Variants in GLO1 observed in about 807,000 individuals in gnomAD.
GLO1 encodes glyoxalase I.
In GLO1, 28 loss-of-function variants were observed where a neutral mutation model predicts 26.0. The observed-to-expected ratio is 1.08, with a 90% CI of 0.80 to 1.48. GLO1 has a LOEUF of 1.48. Among genes scored for constraint, GLO1 ranks in the 40% most tolerant of loss-of-function variants. The pLI is 0.00. For synonymous variants in GLO1, 78 were observed against 77.6 expected, an observed-to-expected ratio of 1.00 and a Z score of -0.03; for missense variants, 225 against 224.8, an observed-to-expected ratio of 1.00 and a Z score of -0.01.
intron 3 of GLO1, among the ~76,000 whole-genome samples, chr6:38,683,802 G>C (rs1285704005): frequency 6.6e-6 from 1 of 152,050 alleles, no homozygotes; most frequent in African/African-American, 2.4e-5. Flanking sequence ...CAGGAGAATG[G>C]AGTGAATCCG....
intron 1 of GLO1, among the ~76,000 whole-genome samples, chr6:38,692,779 A>G (rs1256941925): frequency 1.3e-5 from 2 of 151,360 alleles, no homozygotes; most frequent in Non-Finnish European, 2.9e-5. Context: ...TTCTGTACCA[A>G]CTGATATGAT....
chr6:38,682,975 T>G, intron 3 of GLO1, 100 bp from the exon 4 acceptor site: 2 of 759,146 alleles, frequency 2.6e-6, no homozygotes, highest in Non-Finnish European at 4.7e-6. Context: ...TATGCTACTT[T>G]ACATAATTGG....
chr6:38,701,962 A>C, intron 1 of GLO1, among the ~76,000 whole-genome samples: 1 of 138,778 alleles, frequency 7.2e-6, no homozygotes, highest in Non-Finnish European at 1.5e-5. Context: ...ACAGAGTCTC[A>C]CTCTGTCGCC....
chr6:38,700,035 T>G (rs1761674785), intron 1 of GLO1, among the ~76,000 whole-genome samples: 1 of 152,142 alleles, frequency 6.6e-6, no homozygotes, highest in African/African-American at 2.4e-5. Flanking sequence ...TTTGAAACCC[T>G]TAATAAAAAC....
rs147664840 is a variant in GLO1 at position 38,688,668 on chromosome 6, A to G, written c.85-1694T>C. The stretch of plus-strand genomic sequence containing the variant: ...ACACAGACTTTAGCTGGCAGGCCTC[A>G]TGGGGGAGATCTGTCCTCCCAGCAC... On this transcript the variant is annotated intron_variant, in intron 1 of 5. Transcript: ENST00000373365. 1.5e-4 allele frequency among the ~76,000 whole-genome samples: 23 copies of G among 152,326 alleles called. 1 individual carries two copies. Among genetic ancestry groups the G allele is most frequent in the African/African-American group, 5.5e-4 (23 of 41,568 alleles).
At chr6:38,685,280 G>A (rs762228982) in intron 2 of GLO1, among the ~76,000 whole-genome samples, 18 of 152,248 alleles carry the variant, frequency 1.2e-4, no homozygotes, top group Admixed American at 8.5e-4. Flanking sequence ...GAAGACTTAC[G>A]CTTCTCTGAG....
chr6:38,683,007 A>G, intron 3 of GLO1, 132 bp from the exon 4 acceptor site: 1 of 608,014 alleles, frequency 1.6e-6, no homozygotes. Flanking sequence ...CTACAAAAAT[A>G]TTAAGTTTTC....
intron 1 of GLO1, among the ~76,000 whole-genome samples, chr6:38,696,514 C>T (rs897592589): frequency 9.2e-5 from 14 of 152,312 alleles, no homozygotes; most frequent in African/African-American, 2.4e-4. Context: ...TAGATGGTAC[C>T]TTTGCACTGT....
intron 1 of GLO1, among the ~76,000 whole-genome samples, chr6:38,700,782 G>T (rs996926535): frequency 9.2e-6 from 1 of 108,378 alleles, no homozygotes; most frequent in Non-Finnish European, 1.9e-5. Flanking sequence ...ATTCATTGAG[G>T]GTTTTTTTTT....
At position 38,693,685 on chromosome 6, in the gene GLO1, C is replaced by CTCTATA. The variant is rs869232489; in HGVS notation, c.85-6712_85-6711insTATAGA. Among the ~76,000 whole-genome samples, 436 of 86,374 alleles carry CTCTATA rather than the reference C, an allele frequency of 5.0e-3. 4 individuals carry two copies. The highest frequency in any genetic ancestry group is 0.013 in the African/African-American group (297 of 22,592). 56.7% of individuals were successfully genotyped at this position (86,374 alleles called of 152,430 possible). A position where few individuals can be genotyped will look rare whatever the true frequency, so the allele number is the denominator to read the frequency against. On this transcript the variant is annotated intron_variant, in intron 1 of 5. Transcript: ENST00000373365. ...TCTCTCTCTCTCTCTCTCTCTCTCT[C>CTCTATA]TATATATATATATATATATATTTGT...
At chr6:38,678,569 C>A (rs150498533) in intron 5 of GLO1, among the ~76,000 whole-genome samples, 20 of 152,222 alleles carry the variant, frequency 1.3e-4, no homozygotes, top group African/African-American at 4.6e-4. Flanking sequence ...ATAATGGCTG[C>A]GAGAGAACAG....
chr6:38,682,076 A>G lies in GLO1; in HGVS notation c.402T>C (p.Asp134=). Residue 134 remains aspartate, a synonymous_variant, in exon 5 of 6, where the codon GAT becomes GAC. Transcript: ENST00000373365. ...GFGHIGIAVP[D]VYSACKRFEE... The stretch of plus-strand genomic sequence containing the variant: ...CAAACCTTTTACAAGCACTGTATAC[A>G]TCAGGAACAGCAATTCCAATATGAC... The G allele has an allele frequency of 6.3e-7, 1 of 1,592,172 alleles. No homozygotes were observed. The highest frequency in any genetic ancestry group is 8.6e-7 in the Non-Finnish European group (1 of 1,159,944).
At chr6:38,685,910 T>A (rs1431192711) in intron 2 of GLO1, among the ~76,000 whole-genome samples, 1 of 152,228 alleles carries the variant, frequency 6.6e-6, no homozygotes, top group Non-Finnish European at 1.5e-5. Context: ...ACTGTGGGAT[T>A]TGGAGCTAGT....
intron 1 of GLO1, among the ~76,000 whole-genome samples, chr6:38,688,925 A>AGAGC (rs1761494413): frequency 2.0e-5 from 3 of 152,354 alleles, no homozygotes; most frequent in Admixed American, 6.5e-5. Context: ...GGAGAGAGAG[A>AGAGC]GAGCGAGCGT....
At chr6:38,684,698 T>G (rs1761437429) in intron 2 of GLO1, among the ~76,000 whole-genome samples, 184 bp from the exon 3 acceptor site, 1 of 152,196 alleles carries the variant, frequency 6.6e-6, no homozygotes, top group Non-Finnish European at 1.5e-5. Context: ...CATCTGTAAA[T>G]ATTTGAAATA....
At chr6:38,690,149 A>G (rs115721932) in intron 1 of GLO1, among the ~76,000 whole-genome samples, 287 of 152,322 alleles carry the variant, frequency 1.9e-3, no homozygotes, top group African/African-American at 6.5e-3. Flanking sequence ...TCTGACAAAG[A>G]TTTATGTACA....
chr6:38,677,257 C>A lies in GLO1; in HGVS notation c.*38G>T, dbSNP rs754339809. 8.7e-6 allele frequency: 8 copies of A among 915,762 alleles called. No homozygotes were observed. The highest frequency in any genetic ancestry group is 1.5e-5 in the Non-Finnish European group (8 of 543,216). The allele number at this position is 915,762 out of a possible 1,614,324, so 56.7% of individuals were successfully genotyped here. ...GTAAATATCTTGAATCACATTGTTT[C>A]CTTTCTTCTGAAATCTCAAAGGAGA... On this transcript the variant is annotated 3_prime_UTR_variant, in exon 6 of 6. Coordinates refer to ENST00000373365, the MANE Select transcript of GLO1 (RefSeq NM_006708.3).
intron 1 of GLO1, among the ~76,000 whole-genome samples, chr6:38,691,466 G>A (rs1035626642): frequency 6.6e-6 from 1 of 151,908 alleles, no homozygotes; most frequent in South Asian, 2.1e-4. Context: ...CAGCCACCAC[G>A]CCCAGCTAAT....
intron 1 of GLO1, 60 bp from the exon 2 acceptor site, chr6:38,687,034 T>C: frequency 1.3e-6 from 2 of 1,541,274 alleles, no homozygotes; most frequent in Non-Finnish European, 1.8e-6. Context: ...CCAACATTAA[T>C]TGTGCTTTCT....
Sources: allele counts gnomAD v4.1 joint callset (sites outside exome capture counted in the v4.1 genomes callset), GRCh38; gene constraint gnomAD v4.1.1; transcripts MANE v1.5; gene names NCBI Gene and HGNC (gene_info 2026-07-23, HGNC 2026-07-21).